GPRIN3: variants seen among roughly 807,000 people sequenced by gnomAD.
GPRIN3 encodes G protein-regulated inducer of neurite outgrowth 3.
GPRIN3 carries 12 observed loss-of-function variants against 13.7 expected under a neutral mutation model. That is an observed-to-expected ratio of 0.87 (90% CI 0.56 to 1.42). The LOEUF (loss-of-function observed/expected upper bound fraction) is 1.42. Among genes scored for constraint, GPRIN3 ranks in the 40% most tolerant of loss-of-function variants. The pLI, the probability that GPRIN3 is intolerant of heterozygous loss-of-function variation, is 0.00. For missense variants in GPRIN3, 1,009 were observed against 958.7 expected (o/e 1.05, Z -0.69); for synonymous variants, 377 against 372.7 (o/e 1.01, Z -0.13).
intron 1 of GPRIN3, among the ~76,000 whole-genome samples, chr4:89,258,148 T>C (rs78864973): frequency 1.3e-5 from 2 of 151,312 alleles, no homozygotes; most frequent in Non-Finnish European, 2.9e-5. Flanking sequence ...AAGAAAAGCA[T>C]ATAACTGTAT....
At chr4:89,285,138 G>A (rs928242447) in intron 1 of GPRIN3, among the ~76,000 whole-genome samples, 7 of 140,096 alleles carry the variant, frequency 5.0e-5, no homozygotes, top group Non-Finnish European at 9.3e-5. Flanking sequence ...CAAGCACCTA[G>A]CCACTCTCAC....
At chr4:89,298,971 A>G (rs905713429) in intron 1 of GPRIN3, among the ~76,000 whole-genome samples, 2 of 152,148 alleles carry the variant, frequency 1.3e-5, no homozygotes, top group South Asian at 2.1e-4. Context: ...AAAACCTATC[A>G]TTATAGTTCT....
intron 1 of GPRIN3, among the ~76,000 whole-genome samples, chr4:89,254,489 T>C (rs1476856146): frequency 6.6e-6 from 1 of 152,210 alleles, no homozygotes; most frequent in East Asian, 1.9e-4. Context: ...TGATTTTCTG[T>C]TGCTGCATTA....
chr4:89,254,709 A>G (rs2149260159), intron 1 of GPRIN3, among the ~76,000 whole-genome samples: 1 of 152,238 alleles, frequency 6.6e-6, no homozygotes, highest in East Asian at 1.9e-4. Context: ...TGTCTTTACG[A>G]CAGAACGATT....
chr4:89,279,471 G>A (rs978442560), intron 1 of GPRIN3, among the ~76,000 whole-genome samples: 1 of 152,078 alleles, frequency 6.6e-6, no homozygotes, highest in Non-Finnish European at 1.5e-5. Context: ...ATATAGCTCT[G>A]CTTTCCTTAC....
Position 89,247,479 on chromosome 4 carries a change from C to T in GPRIN3, c.*301G>A, listed in dbSNP as rs900426128. On this transcript the variant is annotated 3_prime_UTR_variant, in exon 2 of 2. Transcript: ENST00000609438. ...ATACATGTATAATGATACAATAATG[C>T]TATTTCTATGAACAACATCATATTT... 5 of 290,684 alleles carry T rather than the reference C, an allele frequency of 1.7e-5. No individual in the cohort carries two copies. Among genetic ancestry groups the T allele is most frequent in the African/African-American group, 6.5e-5 (3 of 45,836 alleles). 18.0% of individuals were successfully genotyped at this position (290,684 alleles called of 1,614,324 possible).
rs1351517451 is a variant in GPRIN3 at position 89,243,450 on chromosome 4, A to T, written c.*4330T>A. 6.6e-6 allele frequency: 1 copy of T among 152,214 alleles called. No individual in the cohort carries two copies. Among genetic ancestry groups the T allele is most frequent in the Non-Finnish European group, 1.5e-5 (1 of 68,030 alleles). The allele number at this position is 152,214 out of a possible 1,614,324, so 9.4% of individuals were successfully genotyped here. ...CGAATTTGGAGAGAATCAACCAAAA[A>T]GGGCCACGCACAACATCAGGAAGCA... On this transcript the variant is annotated 3_prime_UTR_variant, in exon 2 of 2. Transcript: ENST00000609438.
At chr4:89,294,046 T>C (rs1053240483) in intron 1 of GPRIN3, among the ~76,000 whole-genome samples, 1 of 152,208 alleles carries the variant, frequency 6.6e-6, no homozygotes, top group Non-Finnish European at 1.5e-5. Flanking sequence ...GAATATGCTC[T>C]TTTACACAAT....
intron 1 of GPRIN3, chr4:89,251,259 C>A (rs1053193958): frequency 6.6e-6 from 1 of 152,100 alleles, no homozygotes; most frequent in Non-Finnish European, 1.5e-5. Flanking sequence ...AGTAACAATG[C>A]AATTTGACTT....
chr4:89,278,705 C>T (rs1246936556), intron 1 of GPRIN3, among the ~76,000 whole-genome samples: 1 of 152,306 alleles, frequency 6.6e-6, no homozygotes, highest in Non-Finnish European at 1.5e-5. Context: ...CTGCTATTAG[C>T]CCCACTTTAC....
intron 1 of GPRIN3, among the ~76,000 whole-genome samples, chr4:89,254,446 C>A (rs1488913624): frequency 6.6e-6 from 1 of 152,094 alleles, no homozygotes; most frequent in African/African-American, 2.4e-5. Context: ...CATGGGTTCT[C>A]ATCATTTAGC....
In GPRIN3 at chr4:89,245,494, A is replaced by G. The variant is rs1723069252; in HGVS notation, c.*2286T>C. The G allele has an allele frequency of 1.3e-5, 2 of 152,374 alleles. No homozygotes were observed. The highest frequency in any genetic ancestry group is 3.9e-4 in the East Asian group (2 of 5,190). The allele number at this position is 152,374 out of a possible 1,614,324, so 9.4% of individuals were successfully genotyped here. A position where few individuals can be genotyped will look rare whatever the true frequency, so the allele number is the denominator to read the frequency against. On this transcript the variant is annotated 3_prime_UTR_variant, in exon 2 of 2. Coordinates refer to ENST00000609438, the MANE Select transcript of GPRIN3 (RefSeq NM_198281.3). ...TTAACTGTTTACAAATCATGTGGTT[A>G]CTCTAAAGTCATGAAAATAAATATT... is the stretch of plus-strand genomic sequence containing the variant.
Position 89,266,588 on chromosome 4 carries a change from C to A in GPRIN3, c.-123-16355G>T, listed in dbSNP as rs113705484. ...GGTTGCTAAAACCAAGTTGCTATTG[C>A]ATTAAGGGTGAGTGAGACAGCTGTA... On this transcript the variant is annotated intron_variant, in intron 1 of 1. Transcript: ENST00000609438. Among the ~76,000 whole-genome samples, 282 of 152,274 alleles carry A rather than the reference C, an allele frequency of 1.9e-3. 11 individuals carry two copies. The South Asian group carries it at 0.056, about 30-fold the overall frequency.
intron 1 of GPRIN3, among the ~76,000 whole-genome samples, chr4:89,276,856 A>C (rs1333602671): frequency 6.6e-6 from 1 of 152,202 alleles, no homozygotes; most frequent in Non-Finnish European, 1.5e-5. Flanking sequence ...GAGCTCCTGC[A>C]GCTCAAGTTG....
At chr4:89,297,602 A>C (rs1477885925) in intron 1 of GPRIN3, among the ~76,000 whole-genome samples, 2 of 152,182 alleles carry the variant, frequency 1.3e-5, no homozygotes, top group Non-Finnish European at 2.9e-5. Context: ...AAATACACAG[A>C]GATGGAATCA....
chr4:89,271,929 G>T (rs534193294), intron 1 of GPRIN3, among the ~76,000 whole-genome samples: 1 of 152,202 alleles, frequency 6.6e-6, no homozygotes, highest in South Asian at 2.1e-4. Context: ...AGGTCATGAG[G>T]TCAGGGACCT....
chr4:89,260,743 C>G (rs953233525), intron 1 of GPRIN3, among the ~76,000 whole-genome samples: 1 of 151,910 alleles, frequency 6.6e-6, no homozygotes, highest in Admixed American at 6.6e-5. Flanking sequence ...GTAAGTAAGT[C>G]TAAAGAAAAG....
At position 89,238,918 on chromosome 4, in the gene GPRIN3, T is replaced by G. The variant is rs953004371; in HGVS notation, c.*8862A>C. On this transcript the variant is annotated 3_prime_UTR_variant, in exon 2 of 2. Transcript: ENST00000609438. ...GCAAAAAAATCATAATCTAAATTTT[T>G]TGATGGTAAAACTAAGTCATTAGTT... 5 of 152,196 alleles carry G rather than the reference T, an allele frequency of 3.3e-5. No homozygotes were observed. The highest frequency in any genetic ancestry group is 1.2e-4 in the African/African-American group (5 of 41,448). 9.4% of individuals were successfully genotyped at this position (152,196 alleles called of 1,614,324 possible). A position where few individuals can be genotyped will look rare whatever the true frequency, so the allele number is the denominator to read the frequency against.
intron 1 of GPRIN3, among the ~76,000 whole-genome samples, chr4:89,252,468 A>G (rs1365661708): frequency 6.6e-6 from 1 of 152,220 alleles, no homozygotes; most frequent in Admixed American, 6.5e-5. Context: ...GGATCTTTCC[A>G]GCTCCAAAAT....
Sources: allele counts gnomAD v4.1 joint callset (sites outside exome capture counted in the v4.1 genomes callset), GRCh38; gene constraint gnomAD v4.1.1; transcripts MANE v1.5; gene names NCBI Gene and HGNC (gene_info 2026-07-23, HGNC 2026-07-21).